Variants in IKBKB observed in about 807,000 individuals in gnomAD.
IKBKB encodes inhibitor of nuclear factor kappa-B kinase subunit beta.
In IKBKB, 42 loss-of-function variants were observed where a neutral mutation model predicts 113.6. The observed-to-expected ratio is 0.37, with a 90% CI of 0.29 to 0.48. The LOEUF is 0.48. IKBKB is among the 20% of genes least tolerant of loss of function. The probability of loss-of-function intolerance (pLI) is 0.99; values close to 1 mark genes in which losing one functional copy is unlikely to be tolerated. For synonymous variants in IKBKB, 296 were observed against 361.3 expected (o/e 0.82, Z 2.05); for missense variants, 673 against 939.7 (o/e 0.72, Z 3.71).
At chr8:42,304,460 C>T (rs925039381) in intron 5 of IKBKB, among the ~76,000 whole-genome samples, 14 of 152,146 alleles carry the variant, frequency 9.2e-5, no homozygotes, top group African/African-American at 3.1e-4. Flanking sequence ...CAAATGCTTC[C>T]GTAGCCAGTG....
intron 20 of IKBKB, 118 bp from the exon 21 acceptor site, chr8:42,329,006 A>C: frequency 1.3e-6 from 1 of 751,380 alleles, no homozygotes; most frequent in Non-Finnish European, 2.1e-6. Flanking sequence ...CAGGATCAAA[A>C]TAATTGTTAC....
chr8:42,288,693 A>G lies in IKBKB; in HGVS notation c.165A>G (p.Arg55=), dbSNP rs192224062. ...GGCAGGAGCTCAGCCCCCGGAACCGAGAGCGGTGGTGCCTGGAGATCCAGA... is the reference window on the plus strand; with the variant it reads ...GGCAGGAGCTCAGCCCCCGGAACCGGGAGCGGTGGTGCCTGGAGATCCAGA... The part of the protein sequence containing the change: ...QCRQELSPRN[R]ERWCLEIQIM... The change falls in exon 3 of 22, where the codon CGA becomes CGG. Residue 55 remains arginine, a synonymous_variant. Transcript: ENST00000520810. 1.6e-5 allele frequency: 25 copies of G among 1,611,448 alleles called. No homozygotes were observed. In the Middle Eastern group the frequency reaches 5.0e-4, roughly 32 times the overall value.
At chr8:42,306,554 G>A (rs1816566228) in intron 7 of IKBKB, 122 bp downstream of exon 7, 2 of 693,946 alleles carry the variant, frequency 2.9e-6, no homozygotes, top group Non-Finnish European at 5.3e-6. Context: ...TTTTGGAGAT[G>A]CATGAGGTCA....
At position 42,331,817 on chromosome 8, in the gene IKBKB, G is replaced by A. The variant is rs1041637104; in HGVS notation, c.*838G>A. 7.3e-6 allele frequency: 2 copies of A among 272,340 alleles called. No individual in the cohort carries two copies. Among genetic ancestry groups the A allele is most frequent in the South Asian group, 4.1e-5 (1 of 24,674 alleles). The allele number at this position is 272,340 out of a possible 1,614,324, so 16.9% of individuals were successfully genotyped here. ...CACCAGCCTGCCTACCCATGCCCAT[G>A]TCTCCATTCCTGCTCAAGCGTGTGT... On this transcript the variant is annotated 3_prime_UTR_variant, in exon 22 of 22. Coordinates refer to ENST00000520810, the MANE Select transcript of IKBKB (RefSeq NM_001556.3).
chr8:42,276,790 G>A (rs1422185687), intron 2 of IKBKB, among the ~76,000 whole-genome samples: 1 of 150,544 alleles, frequency 6.6e-6, no homozygotes, highest in Admixed American at 6.6e-5. Context: ...TATCTCCTGG[G>A]TTCAAGCGAT....
chr8:42,293,883 G>T (rs116209050), intron 5 of IKBKB, among the ~76,000 whole-genome samples: 30 of 152,302 alleles, frequency 2.0e-4, no homozygotes, highest in African/African-American at 7.2e-4. Context: ...CCGCTCCCAC[G>T]TAGGCAGTTC....
chr8:42,281,305 G>T (rs891889189), intron 2 of IKBKB, among the ~76,000 whole-genome samples: 1 of 152,228 alleles, frequency 6.6e-6, no homozygotes, highest in Non-Finnish European at 1.5e-5. Context: ...TGAGGCTGCG[G>T]TCGTTTATTC....
chr8:42,305,418 G>C (rs908336714), intron 6 of IKBKB, 143 bp downstream of exon 6: 1 of 628,804 alleles, frequency 1.6e-6, no homozygotes. Flanking sequence ...TGTTTGATTT[G>C]AAACAAAATT....
chr8:42,331,100 C>A lies in IKBKB; in HGVS notation c.*121C>A. The stretch of plus-strand genomic sequence containing the variant: ...GCCGCGTGACGTGGGGCTGCCTGGC[C>A]GCGGCTCTCACATGGTGGTTCCTGC... On this transcript the variant is annotated 3_prime_UTR_variant, in exon 22 of 22. Transcript: ENST00000520810. The A allele has an allele frequency of 1.4e-6, 2 of 1,474,174 alleles. No homozygotes were observed. Among genetic ancestry groups the A allele is most frequent in the Non-Finnish European group, 1.8e-6 (2 of 1,083,366 alleles). 91.3% of individuals were successfully genotyped at this position (1,474,174 alleles called of 1,614,324 possible).
intron 20 of IKBKB, among the ~76,000 whole-genome samples, chr8:42,328,371 C>A (rs1052331854): frequency 2.6e-5 from 4 of 151,368 alleles, no homozygotes; most frequent in African/African-American, 9.7e-5. Flanking sequence ...AGCCTTTAGG[C>A]TAGCTAGAGG....
At chr8:42,289,219 AAAGAG>A (rs1295191383) in intron 3 of IKBKB, among the ~76,000 whole-genome samples, 4 of 152,192 alleles carry the variant, frequency 2.6e-5, no homozygotes, top group Admixed American at 1.3e-4. Context: ...CGTCTAAAAA[AAAGAG>A]AAGAGAGTCT....
At chr8:42,278,511 A>G (rs1410726845) in intron 2 of IKBKB, among the ~76,000 whole-genome samples, 1 of 151,846 alleles carries the variant, frequency 6.6e-6, no homozygotes, top group African/African-American at 2.4e-5. Flanking sequence ...TGGAGTAGCT[A>G]CTCCCACCAG....
intron 2 of IKBKB, among the ~76,000 whole-genome samples, chr8:42,276,420 T>G (rs1563293033): frequency 6.6e-6 from 1 of 152,226 alleles, no homozygotes; most frequent in Admixed American, 6.5e-5. Context: ...ATTTGCCCAT[T>G]TGAAAAATTG....
intron 20 of IKBKB, among the ~76,000 whole-genome samples, 183 bp from the exon 21 acceptor site, chr8:42,328,941 G>A (rs118043737): frequency 0.014 from 2,179 of 152,326 alleles, 30 homozygotes; most frequent in Non-Finnish European, 0.02. Flanking sequence ...TATGTGGAAA[G>A]TGCATAACAA....
intron 20 of IKBKB, chr8:42,326,529 G>C (rs953958570): frequency 6.1e-6 from 1 of 163,994 alleles, no homozygotes; most frequent in African/African-American, 2.4e-5. Context: ...CTGAACCATC[G>C]CAGCAGAGGT....
chr8:42,331,720 C>A lies in IKBKB; in HGVS notation c.*741C>A. ...AGTAACCAGGATGGGAGAGCAGCTG[C>A]CTTATTCTGAATCCCAAAAATTACT... is the stretch of plus-strand genomic sequence containing the variant. On this transcript the variant is annotated 3_prime_UTR_variant, in exon 22 of 22. Transcript: ENST00000520810. 2.5e-6 allele frequency: 1 copy of A among 397,404 alleles called. No individual in the cohort carries two copies. Among genetic ancestry groups the A allele is most frequent in the South Asian group, 2.5e-5 (1 of 40,422 alleles). 24.6% of individuals were successfully genotyped at this position (397,404 alleles called of 1,614,324 possible).
chr8:42,325,331 G>GTGTGTGTGTC, intron 19 of IKBKB: 1 of 985,438 alleles, frequency 1.0e-6, no homozygotes, highest in Admixed American at 6.1e-5. Context: ...CATAGCCTTT[G>GTGTGTGTGTC]TGTGTGTGTC....
intron 19 of IKBKB, among the ~76,000 whole-genome samples, chr8:42,324,219 A>G (rs1820297935): frequency 6.6e-6 from 1 of 152,006 alleles, no homozygotes; most frequent in Admixed American, 6.6e-5. Flanking sequence ...ACAATGGAGG[A>G]TGAAGCTGCT....
chr8:42,296,114 C>CT (rs1813730693), intron 5 of IKBKB, among the ~76,000 whole-genome samples: 1 of 152,236 alleles, frequency 6.6e-6, no homozygotes, highest in Non-Finnish European at 1.5e-5. Flanking sequence ...AACTAGTACA[C>CT]TACAGTTAAA....
Sources: allele counts gnomAD v4.1 joint callset (sites outside exome capture counted in the v4.1 genomes callset), GRCh38; gene constraint gnomAD v4.1.1; transcripts MANE v1.5; gene names NCBI Gene and HGNC (gene_info 2026-07-23, HGNC 2026-07-21).